Variants in SGMS1 observed in about 807,000 individuals in gnomAD.
SGMS1 encodes sphingomyelin synthase 1.
In SGMS1, 13 loss-of-function variants were observed where a neutral mutation model predicts 46.2. That is an observed-to-expected ratio of 0.28 (90% CI 0.18 to 0.45). The LOEUF is 0.45. SGMS1 is among the 20% of genes least tolerant of loss of function. The pLI is 1.00. For missense variants in SGMS1, 324 were observed against 519.9 expected, an observed-to-expected ratio of 0.62 and a Z score of 3.66; for synonymous variants, 203 against 187.8, an observed-to-expected ratio of 1.08 and a Z score of -0.66.
At chr10:50,382,845 G>A (rs961423572) in intron 6 of SGMS1, among the ~76,000 whole-genome samples, 19 of 152,124 alleles carry the variant, frequency 1.2e-4, no homozygotes, top group African/African-American at 3.6e-4. Flanking sequence ...CAGGAATTAC[G>A]TATTATTAAA....
At chr10:50,395,559 T>C (rs1427212505) in intron 6 of SGMS1, among the ~76,000 whole-genome samples, 1 of 152,180 alleles carries the variant, frequency 6.6e-6, no homozygotes, top group African/African-American at 2.4e-5. Flanking sequence ...TAAATAAATA[T>C]TGAGTAATCA....
chr10:50,534,588 ACT>A (rs1184492321), intron 2 of SGMS1, among the ~76,000 whole-genome samples: 1 of 152,214 alleles, frequency 6.6e-6, no homozygotes, highest in African/African-American at 2.4e-5. Flanking sequence ...AATTTGTATT[ACT>A]GTTTTCACTA....
intron 4 of SGMS1, among the ~76,000 whole-genome samples, chr10:50,464,355 C>A (rs1442313501): frequency 6.6e-6 from 1 of 152,162 alleles, no homozygotes; most frequent in Non-Finnish European, 1.5e-5. Context: ...CCAAGAAATG[C>A]AGCCAGCAGC....
At chr10:50,487,580 C>A (rs548320977) in intron 3 of SGMS1, among the ~76,000 whole-genome samples, 1 of 152,022 alleles carries the variant, frequency 6.6e-6, no homozygotes, top group Non-Finnish European at 1.5e-5. Flanking sequence ...GTTTTTTATG[C>A]CTTATATCTT....
At chr10:50,484,331 C>T (rs1837501921) in intron 3 of SGMS1, among the ~76,000 whole-genome samples, 1 of 152,070 alleles carries the variant, frequency 6.6e-6, no homozygotes, top group Non-Finnish European at 1.5e-5. Context: ...TATACACCCT[C>T]CCAAGACTAA....
In SGMS1 at chr10:50,399,522, A is replaced by G. The variant is rs145080522; in HGVS notation, c.-232+33954T>C. ...AATGTGTTAAATTATATACAATGAC[A>G]CATACAGAAATATTTCCAGGACATA... On this transcript the variant is annotated intron_variant, in intron 6 of 10. Transcript: ENST00000361781. 1.3e-4 allele frequency among the ~76,000 whole-genome samples: 20 copies of G among 152,350 alleles called. No homozygotes were observed. In the East Asian group the frequency reaches 3.1e-3, roughly 24 times the overall value.
chr10:50,411,075 T>TGAGG (rs1320121287), intron 6 of SGMS1, among the ~76,000 whole-genome samples: 2 of 152,188 alleles, frequency 1.3e-5, no homozygotes, highest in African/African-American at 4.8e-5. Context: ...TACTATTACC[T>TGAGG]GAGGGCCCTC....
At chr10:50,572,340 C>T (rs111520661) in intron 2 of SGMS1, among the ~76,000 whole-genome samples, 6 of 152,160 alleles carry the variant, frequency 3.9e-5, no homozygotes, top group Admixed American at 6.5e-5. Flanking sequence ...AGGGTGGTAA[C>T]GAGGTAAATC....
At chr10:50,540,818 G>A (rs1217895589) in intron 2 of SGMS1, among the ~76,000 whole-genome samples, 1 of 152,102 alleles carries the variant, frequency 6.6e-6, no homozygotes, top group African/African-American at 2.4e-5. Context: ...AGGTTTGTTT[G>A]TTTTTTGTTT....
chr10:50,454,692 A>C (rs1588835964), intron 5 of SGMS1, among the ~76,000 whole-genome samples: 1 of 152,208 alleles, frequency 6.6e-6, no homozygotes, highest in East Asian at 1.9e-4. Flanking sequence ...TTCTACTTAA[A>C]CTACCTAAGA....
chr10:50,551,127 T>C (rs1008952973), intron 2 of SGMS1, among the ~76,000 whole-genome samples: 1 of 152,014 alleles, frequency 6.6e-6, no homozygotes, highest in Non-Finnish European at 1.5e-5. Flanking sequence ...CAAAAGTAAC[T>C]TGACAGTGGA....
chr10:50,345,610 T>TA (rs1312186980), intron 6 of SGMS1, among the ~76,000 whole-genome samples: 1 of 152,226 alleles, frequency 6.6e-6, no homozygotes, highest in Non-Finnish European at 1.5e-5. Context: ...CTAACTATGG[T>TA]ACACAGGTTG....
intron 6 of SGMS1, among the ~76,000 whole-genome samples, chr10:50,428,192 T>C (rs961469274): frequency 2.0e-5 from 3 of 152,114 alleles, no homozygotes; most frequent in Non-Finnish European, 2.9e-5. Flanking sequence ...GCTGTGGACA[T>C]GGAGTCCACT....
At chr10:50,486,387 A>G (rs554884647) in intron 3 of SGMS1, among the ~76,000 whole-genome samples, 4 of 152,358 alleles carry the variant, frequency 2.6e-5, no homozygotes, top group African/African-American at 4.8e-5. Flanking sequence ...AACCTACGGA[A>G]CGGGAGAGAA....
At chr10:50,595,322 C>T (rs1838580741) in intron 1 of SGMS1, among the ~76,000 whole-genome samples, 2 of 152,070 alleles carry the variant, frequency 1.3e-5, no homozygotes, top group Non-Finnish European at 2.9e-5. Context: ...ACTACAGGCG[C>T]ACACCACCAT....
chr10:50,384,192 T>G (rs955805170), intron 6 of SGMS1, among the ~76,000 whole-genome samples: 1 of 152,296 alleles, frequency 6.6e-6, no homozygotes, highest in South Asian at 2.1e-4. Context: ...CTAAGACACA[T>G]GGGCCTTGGA....
intron 3 of SGMS1, among the ~76,000 whole-genome samples, chr10:50,475,809 C>T (rs891227080): frequency 1.9e-4 from 29 of 152,228 alleles, no homozygotes; most frequent in African/African-American, 6.7e-4. Flanking sequence ...TACCCCTTCA[C>T]CTTCCACCAT....
intron 3 of SGMS1, among the ~76,000 whole-genome samples, chr10:50,467,836 C>A (rs1156453965): frequency 6.6e-6 from 1 of 152,162 alleles, no homozygotes; most frequent in Non-Finnish European, 1.5e-5. Flanking sequence ...AAGATGTTAA[C>A]ATGTCTGAGG....
At chr10:50,482,336 T>C (rs1013544056) in intron 3 of SGMS1, among the ~76,000 whole-genome samples, 2 of 152,102 alleles carry the variant, frequency 1.3e-5, no homozygotes, top group African/African-American at 2.4e-5. Flanking sequence ...GTGGAAACCC[T>C]ACAAGCCAGA....
Sources: gnomAD v4.1 joint callset for allele counts (sites outside exome capture counted in the v4.1 genomes callset) on GRCh38, gnomAD v4.1.1 for gene constraint, MANE v1.5 for transcripts, NCBI Gene and HGNC (gene_info 2026-07-23, HGNC 2026-07-21) for gene names.